Variants in TAFA1 observed in about 807,000 individuals in gnomAD.
TAFA1 encodes chemokine-like protein TAFA-1.
A neutral mutation model predicts 18.5 loss-of-function variants in TAFA1; 4 were observed. The ratio of observed to expected loss-of-function variants is 0.22; its 90% CI spans 0.11 to 0.49. The LOEUF (loss-of-function observed/expected upper bound fraction) is 0.49, where lower values mean the gene tolerates loss of function less well. Among genes scored for constraint, TAFA1 ranks in the 20% least tolerant of loss-of-function variants. The pLI is 0.98. For missense variants in TAFA1, 147 were observed against 169.0 expected, an observed-to-expected ratio of 0.87 and a Z score of 0.72; for synonymous variants, 56 against 55.2, an observed-to-expected ratio of 1.01 and a Z score of -0.06.
intron 2 of TAFA1, among the ~76,000 whole-genome samples, chr3:68,376,152 G>C (rs886984764): frequency 6.6e-6 from 1 of 151,962 alleles, no homozygotes; most frequent in Non-Finnish European, 1.5e-5. Flanking sequence ...TCAATTTTAT[G>C]ATATTCTTGA....
At chr3:68,435,715 C>A (rs532355010) in intron 3 of TAFA1, among the ~76,000 whole-genome samples, 1 of 152,296 alleles carries the variant, frequency 6.6e-6, no homozygotes, top group East Asian at 1.9e-4. Context: ...ATCTTGGCAT[C>A]TTAGCCACAT....
chr3:68,193,794 C>T (rs1009614532), intron 2 of TAFA1, among the ~76,000 whole-genome samples: 2 of 151,522 alleles, frequency 1.3e-5, no homozygotes, highest in African/African-American at 4.8e-5. Context: ...TATATGGTAG[C>T]TGTGTTAGTC....
intron 2 of TAFA1, among the ~76,000 whole-genome samples, chr3:68,280,396 C>T (rs1274294370): frequency 3.3e-5 from 5 of 152,106 alleles, no homozygotes; most frequent in Non-Finnish European, 7.4e-5. Context: ...TTATTCTGCC[C>T]TGTTTGGTGG....
At chr3:68,145,284 A>G (rs1219210025) in intron 2 of TAFA1, 8 of 788,950 alleles carry the variant, frequency 1.0e-5, no homozygotes, top group Admixed American at 1.7e-5. Context: ...ACAACCATCA[A>G]CGCTCATCAG....
chr3:68,533,405 CA>C (rs1445724057), intron 3 of TAFA1, among the ~76,000 whole-genome samples: 1 of 152,156 alleles, frequency 6.6e-6, no homozygotes, highest in African/African-American at 2.4e-5. Flanking sequence ...CCCCATGATT[CA>C]ATTATCTCCC....
chr3:68,133,024 C>T (rs2065562170), intron 2 of TAFA1, among the ~76,000 whole-genome samples: 1 of 152,050 alleles, frequency 6.6e-6, no homozygotes, highest in Non-Finnish European at 1.5e-5. Flanking sequence ...GCCTTTAATC[C>T]ATCTTGAGTT....
intron 2 of TAFA1, among the ~76,000 whole-genome samples, chr3:68,088,047 T>C (rs2064991583): frequency 6.6e-6 from 1 of 152,232 alleles, no homozygotes; most frequent in African/African-American, 2.4e-5. Flanking sequence ...CATTTACATT[T>C]AGTTTGAAGT....
At chr3:68,156,161 C>T (rs1051550852) in intron 2 of TAFA1, among the ~76,000 whole-genome samples, 10 of 152,094 alleles carry the variant, frequency 6.6e-5, no homozygotes, top group African/African-American at 2.4e-4. Context: ...CCAAACTGGG[C>T]TTACTGCAGC....
At chr3:68,118,503 T>C (rs2065349756) in intron 2 of TAFA1, among the ~76,000 whole-genome samples, 1 of 152,120 alleles carries the variant, frequency 6.6e-6, no homozygotes, top group Non-Finnish European at 1.5e-5. Flanking sequence ...GGACCCCTGC[T>C]CTATACCTTT....
chr3:68,292,608 C>T (rs987961220), intron 2 of TAFA1, among the ~76,000 whole-genome samples: 29 of 152,182 alleles, frequency 1.9e-4, no homozygotes, highest in African/African-American at 6.8e-4. Context: ...CTCACCACAG[C>T]CTCGAATTCC....
intron 2 of TAFA1, among the ~76,000 whole-genome samples, chr3:68,028,057 G>A (rs1484683913): frequency 6.6e-6 from 1 of 151,992 alleles, no homozygotes; most frequent in African/African-American, 2.4e-5. Context: ...TGATGGACTT[G>A]GGGAGGCTGA....
intron 2 of TAFA1, among the ~76,000 whole-genome samples, chr3:68,184,827 A>T (rs2106995936): frequency 6.6e-6 from 1 of 152,254 alleles, no homozygotes; most frequent in African/African-American, 2.4e-5. Context: ...TTTACTTGTT[A>T]AAAATGTTCA....
At chr3:68,507,222 A>G (rs925447202) in intron 3 of TAFA1, among the ~76,000 whole-genome samples, 3 of 152,102 alleles carry the variant, frequency 2.0e-5, no homozygotes, top group Non-Finnish European at 4.4e-5. Flanking sequence ...ATTTTACCAT[A>G]GAGCCACCAC....
chr3:68,481,237 A>G lies in TAFA1; in HGVS notation c.260-57519A>G, dbSNP rs576429884. Reference sequence around the variant, plus strand: ...GTGACAACAAAGCCATGAGCTCTTTATTCAACTCTTGACTGTTATCTGACT... The same window carrying G: ...GTGACAACAAAGCCATGAGCTCTTTGTTCAACTCTTGACTGTTATCTGACT... On this transcript the variant is annotated intron_variant, in intron 3 of 4. Transcript: ENST00000478136. 1.6e-4 allele frequency among the ~76,000 whole-genome samples: 24 copies of G among 152,328 alleles called. No homozygotes were observed. In the South Asian group the frequency reaches 5.0e-3, roughly 32 times the overall value.
intron 2 of TAFA1, among the ~76,000 whole-genome samples, chr3:68,213,083 G>A (rs752390634): frequency 2.6e-5 from 4 of 151,400 alleles, no homozygotes. Flanking sequence ...GAGGTTATTA[G>A]CTCCTCTGCA....
At chr3:67,993,564 T>C in the TAFA1 span, among the ~76,000 whole-genome samples, 1 of 152,172 alleles carries the variant, frequency 6.6e-6, no homozygotes, top group Non-Finnish European at 1.5e-5. Context: ...GCCTGAAAAT[T>C]CCTAATGTGC....
At chr3:68,499,217 A>C (rs1011410986) in intron 3 of TAFA1, among the ~76,000 whole-genome samples, 2 of 152,022 alleles carry the variant, frequency 1.3e-5, no homozygotes, top group African/African-American at 4.8e-5. Flanking sequence ...TATGAATAAC[A>C]AATATCTAGG....
At chr3:68,162,429 G>A (rs2106942016) in intron 2 of TAFA1, among the ~76,000 whole-genome samples, 1 of 152,230 alleles carries the variant, frequency 6.6e-6, no homozygotes, top group Middle Eastern at 3.4e-3. Context: ...GTAATGCGCG[G>A]CTGATCTGAC....
chr3:68,483,175 C>G (rs2072269694), intron 3 of TAFA1, among the ~76,000 whole-genome samples: 1 of 152,176 alleles, frequency 6.6e-6, no homozygotes. Context: ...TAACCCAGCA[C>G]ACACTGGAGA....
Sources: allele counts gnomAD v4.1 joint callset (sites outside exome capture counted in the v4.1 genomes callset), GRCh38; gene constraint gnomAD v4.1.1; transcripts MANE v1.5; gene names NCBI Gene and HGNC (gene_info 2026-07-23, HGNC 2026-07-21).